Variants in GPM6A observed in about 807,000 individuals in gnomAD.
GPM6A encodes neuronal membrane glycoprotein M6-a.
A neutral mutation model predicts 32.1 loss-of-function variants in GPM6A; 7 were observed. The ratio of observed to expected loss-of-function variants is 0.22; its 90% CI spans 0.12 to 0.41. The LOEUF (loss-of-function observed/expected upper bound fraction) is 0.41. Ranked by LOEUF, GPM6A falls within the 10% of genes least tolerant of loss-of-function variation. The pLI, the probability that GPM6A is intolerant of heterozygous loss-of-function variation, is 1.00. For missense variants in GPM6A, 235 were observed against 347.2 expected, an observed-to-expected ratio of 0.68 and a Z score of 2.57; for synonymous variants, 130 against 123.4, an observed-to-expected ratio of 1.05 and a Z score of -0.35.
chr4:175,936,306 C>CTAAAAAA (rs1739226759), intron 1 of GPM6A, among the ~76,000 whole-genome samples: 1 of 45,576 alleles, frequency 2.2e-5, no homozygotes, highest in Non-Finnish European at 3.7e-5. Context: ...ACTCTGTCTC[C>CTAAAAAA]AAAAAAAAAA....
chr4:175,730,860 C>A (rs1381876958), intron 1 of GPM6A, among the ~76,000 whole-genome samples: 3 of 152,070 alleles, frequency 2.0e-5, no homozygotes. Context: ...CTAAACTGCC[C>A]ACTAATGACC....
chr4:175,898,911 C>T (rs1388480213), intron 1 of GPM6A, among the ~76,000 whole-genome samples: 1 of 152,140 alleles, frequency 6.6e-6, no homozygotes, highest in Non-Finnish European at 1.5e-5. Flanking sequence ...TTGTTCAACA[C>T]CTAAGAGTTT....
At position 175,673,833 on chromosome 4, in the gene GPM6A, A is replaced by G. The variant is rs925704799; in HGVS notation, c.234T>C (p.Ile78=). 6.3e-7 allele frequency: 1 copy of G among 1,587,530 alleles called. No homozygotes were observed. Among genetic ancestry groups the G allele is most frequent in the Non-Finnish European group, 8.6e-7 (1 of 1,160,686 alleles). The change falls in exon 3 of 7, where the codon ATT becomes ATC. Residue 78 remains isoleucine, a synonymous_variant. Transcript: ENST00000393658. ...AGDTLDVFTM[I]DIFKYVIYGI... The stretch of plus-strand genomic sequence containing the variant: ...CGTAGATCACATACTTAAAGATGTC[A>G]ATCCTGAGAGAAAAGACAAAGTGAT...
chr4:175,660,380 T>C (rs1007001285), intron 3 of GPM6A, among the ~76,000 whole-genome samples: 1 of 149,016 alleles, frequency 6.7e-6, no homozygotes, highest in Non-Finnish European at 1.5e-5. Context: ...CAAGACTCCA[T>C]CTCAAAAAAA....
At chr4:175,900,342 GGAAAGGAAAA>G (rs1737923662) in intron 1 of GPM6A, among the ~76,000 whole-genome samples, 2 of 119,748 alleles carry the variant, frequency 1.7e-5, no homozygotes, top group Non-Finnish European at 3.5e-5. Context: ...GGAAAGGAAA[GGAAAGGAAAA>G]GAAAGGAAAG....
At chr4:175,690,689 C>T (rs1744247538) in intron 2 of GPM6A, among the ~76,000 whole-genome samples, 1 of 152,200 alleles carries the variant, frequency 6.6e-6, no homozygotes, top group South Asian at 2.1e-4. Context: ...CTCTGTTCCC[C>T]TCTCATAAGG....
chr4:175,832,604 C>T (rs1158988269), intron 1 of GPM6A, among the ~76,000 whole-genome samples: 4 of 152,136 alleles, frequency 2.6e-5, no homozygotes, highest in Non-Finnish European at 5.9e-5. Flanking sequence ...AGGAAGGAAG[C>T]ATTAACTTGG....
chr4:175,976,428 A>G (rs1301194418), intron 1 of GPM6A, among the ~76,000 whole-genome samples: 6 of 151,804 alleles, frequency 4.0e-5, no homozygotes. Flanking sequence ...GGCCTCCCAA[A>G]GTGCTGGGAT....
intron 1 of GPM6A, among the ~76,000 whole-genome samples, chr4:175,738,295 G>A (rs988915767): frequency 1.3e-5 from 2 of 151,972 alleles, no homozygotes; most frequent in African/African-American, 4.8e-5. Flanking sequence ...GGGACCAAAC[G>A]TTCAAACCAT....
At chr4:175,661,909 T>C (rs1329952614) in intron 3 of GPM6A, among the ~76,000 whole-genome samples, 3 of 137,996 alleles carry the variant, frequency 2.2e-5, no homozygotes, top group Admixed American at 6.9e-5. Flanking sequence ...GAGATTATCA[T>C]TGAGTCAGAA....
At chr4:175,937,088 T>C (rs1382875347) in intron 1 of GPM6A, among the ~76,000 whole-genome samples, 1 of 152,144 alleles carries the variant, frequency 6.6e-6, no homozygotes, top group Admixed American at 6.5e-5. Flanking sequence ...AACCACTATT[T>C]CTTTTATTAG....
At chr4:175,679,134 T>C (rs1308775343) in intron 2 of GPM6A, among the ~76,000 whole-genome samples, 1 of 152,160 alleles carries the variant, frequency 6.6e-6, no homozygotes, top group Non-Finnish European at 1.5e-5. Flanking sequence ...GCTACTATTA[T>C]ACCCATTTGC....
chr4:175,741,551 C>T (rs1296456125), intron 1 of GPM6A, among the ~76,000 whole-genome samples: 1 of 152,070 alleles, frequency 6.6e-6, no homozygotes, highest in African/African-American at 2.4e-5. Context: ...CCATCAGGAT[C>T]TTCTGGAATA....
intron 1 of GPM6A, among the ~76,000 whole-genome samples, chr4:175,707,814 C>A (rs888011103): frequency 1.3e-5 from 2 of 151,942 alleles, no homozygotes; most frequent in African/African-American, 2.4e-5. Flanking sequence ...TTGATGCTTG[C>A]GGTTGTTTTA....
chr4:175,958,760 A>G (rs1490197430), intron 1 of GPM6A, among the ~76,000 whole-genome samples: 1 of 152,182 alleles, frequency 6.6e-6, no homozygotes, highest in African/African-American at 2.4e-5. Context: ...AAGGTTTCCA[A>G]AAGGAGGCAT....
intron 1 of GPM6A, among the ~76,000 whole-genome samples, chr4:175,854,794 G>A (rs550153321): frequency 3.9e-5 from 6 of 152,200 alleles, no homozygotes; most frequent in African/African-American, 1.4e-4. Flanking sequence ...ATCCACAGAG[G>A]GTTTGCCTTC....
chr4:175,637,252 A>T (rs192156881), intron 6 of GPM6A, among the ~76,000 whole-genome samples: 897 of 61,506 alleles, frequency 0.015, 10 homozygotes, highest in East Asian at 0.028. Flanking sequence ...TATTATATAT[A>T]ATATAAAATA....
chr4:175,991,020 CA>C (rs1187571732), intron 1 of GPM6A, among the ~76,000 whole-genome samples: 1 of 151,698 alleles, frequency 6.6e-6, no homozygotes, highest in Non-Finnish European at 1.5e-5. Flanking sequence ...ATACAATTAA[CA>C]AATAAAATTT....
intron 3 of GPM6A, among the ~76,000 whole-genome samples, chr4:175,669,718 T>A (rs1742948114): frequency 6.6e-6 from 1 of 152,244 alleles, no homozygotes; most frequent in Non-Finnish European, 1.5e-5. Context: ...AAAATTCATA[T>A]GATGAAATTC....
Sources: allele counts gnomAD v4.1 joint callset (sites outside exome capture counted in the v4.1 genomes callset), GRCh38; gene constraint gnomAD v4.1.1; transcripts MANE v1.5; gene names NCBI Gene and HGNC (gene_info 2026-07-23, HGNC 2026-07-21).